The following LRRC56 variants were observed in gnomAD, a reference collection of about 807,000 sequenced individuals.
LRRC56 encodes the protein leucine rich repeat containing 56.
A neutral mutation model predicts 47.8 loss-of-function variants in LRRC56; 41 were observed. That is an observed-to-expected ratio of 0.86 (90% CI 0.67 to 1.11). The LOEUF (loss-of-function observed/expected upper bound fraction) is 1.11. LRRC56 is among the 50% of genes most tolerant of loss of function. The pLI, the probability that LRRC56 is intolerant of heterozygous loss-of-function variation, is 0.00. For missense variants in LRRC56, 759 were observed against 704.2 expected (o/e 1.08, Z -0.88); for synonymous variants, 387 against 311.2 (o/e 1.24, Z -2.56).
At chr11:523,812 C>T in the LRRC56 span, among the ~76,000 whole-genome samples, 1 of 152,094 alleles carries the variant, frequency 6.6e-6, no homozygotes, top group Non-Finnish European at 1.5e-5. Context: ...CCTGTAGTCC[C>T]AGCTACTCAG....
rs775163970 is a variant in LRRC56 at position 550,137 on chromosome 11, G to A, written c.489G>A (p.Glu163=). The part of the protein sequence containing the change: ...LSPLCLLEQL[E]VLDLEGNSVE... The stretch of plus-strand genomic sequence containing the variant: ...CACTGTGCCTGCTGGAACAATTGGA[G>A]GTGCTGGACCTGGAGGGCAACAGCG... Residue 163 remains glutamate, a synonymous_variant, in exon 8 of 14, where the codon GAG becomes GAA. Transcript: ENST00000270115. The A allele has an allele frequency of 6.2e-7, 1 of 1,613,546 alleles. No individual in the cohort carries two copies. Among genetic ancestry groups the A allele is most frequent in the East Asian group, 2.2e-5 (1 of 44,884 alleles).
At chr11:508,005 A>G in the LRRC56 span, among the ~76,000 whole-genome samples, 69 of 152,242 alleles carry the variant, frequency 4.5e-4, no homozygotes, top group Non-Finnish European at 4.4e-4. Context: ...GGGAAACGCA[A>G]AGCGACCCCA....
upstream of LRRC56, chr11:535,429 G>T: frequency 1.4e-5 from 2 of 146,890 alleles, no homozygotes; most frequent in South Asian, 1.8e-4. Context: ...TCACAGGCGC[G>T]ACTGCCCCCG....
At chr11:507,222 G>A in the LRRC56 span, 4 of 152,226 alleles carry the variant, frequency 2.6e-5, no homozygotes, top group Non-Finnish European at 4.4e-5. Context: ...CCACCCGCCA[G>A]TCAGCGGCGC....
At chr11:551,432 A>T in intron 9 of LRRC56, 130 bp downstream of exon 9, 1 of 795,248 alleles carries the variant, frequency 1.3e-6, no homozygotes, top group Non-Finnish European at 2.0e-6. Context: ...CCCGGTCCCC[A>T]GAGCTGTGCA....
the LRRC56 span, among the ~76,000 whole-genome samples, chr11:525,488 G>A: frequency 4.6e-5 from 7 of 150,912 alleles, no homozygotes; most frequent in Non-Finnish European, 5.9e-5. Flanking sequence ...GCAGTGAGCC[G>A]AGATCGCGCC....
At chr11:533,353 G>C (rs1310647370), upstream of LRRC56, 1 of 1,606,254 alleles carries the variant, frequency 6.2e-7, no homozygotes, top group Non-Finnish European at 8.5e-7. Flanking sequence ...AGCCAGAGCG[G>C]CTGCCCTGTG....
chr11:517,264 C>T, the LRRC56 span, among the ~76,000 whole-genome samples: 3 of 151,904 alleles, frequency 2.0e-5, no homozygotes, highest in South Asian at 2.1e-4. Flanking sequence ...TCTGCCCGGC[C>T]GCCACCCCGT....
intron 1 of LRRC56, among the ~76,000 whole-genome samples, 176 bp downstream of exon 1, chr11:537,781 C>T (rs1295560496): frequency 6.6e-6 from 1 of 152,204 alleles, no homozygotes; most frequent in African/African-American, 2.4e-5. Context: ...CTCCACCACC[C>T]CCTGGCCCTG....
the LRRC56 span, among the ~76,000 whole-genome samples, chr11:515,968 A>G: frequency 6.6e-6 from 1 of 152,142 alleles, no homozygotes; most frequent in Admixed American, 6.5e-5. Flanking sequence ...TCTCTGCTGA[A>G]TTTGCTTACA....
the LRRC56 span, chr11:507,421 G>T: frequency 3.4e-5 from 5 of 145,894 alleles, no homozygotes. Context: ...CGGTGAGGGA[G>T]GTCTCGCTTG....
intron 6 of LRRC56, among the ~76,000 whole-genome samples, chr11:548,640 A>G (rs1358966688): frequency 6.6e-6 from 1 of 151,738 alleles, no homozygotes. Context: ...TTGTATTTTT[A>G]GTAGAGATGG....
intron 6 of LRRC56, among the ~76,000 whole-genome samples, chr11:546,348 C>G (rs1205561632): frequency 6.6e-6 from 1 of 152,130 alleles, no homozygotes; most frequent in African/African-American, 2.4e-5. Flanking sequence ...GTAGGCAGAT[C>G]ACGAGGTCAG....
At chr11:533,498 T>G, upstream of LRRC56, 1 of 1,613,592 alleles carries the variant, frequency 6.2e-7, no homozygotes, top group Non-Finnish European at 8.5e-7. Context: ...TGCCGTAGCT[T>G]CGGGCGAGGT....
At position 551,583 on chromosome 11, in the gene LRRC56, T is replaced by C. The variant is rs1022596235; in HGVS notation, c.797-68T>C. 2.5e-5 allele frequency: 38 copies of C among 1,493,142 alleles called. No individual in the cohort carries two copies. The South Asian group carries it at 3.4e-4, about 13-fold the overall frequency. 92.5% of individuals were successfully genotyped at this position (1,493,142 alleles called of 1,614,324 possible). ...AGCATGGGGATTGGGGCCCCTGGTC[T>C]GTGGACAGAGTCTGGGGGGCGCTCT... On this transcript the variant is annotated intron_variant, in intron 9 of 13. Transcript: ENST00000270115.
At chr11:551,863 C>T (rs756264349) in intron 10 of LRRC56, 36 bp downstream of exon 10, 3 of 1,610,128 alleles carry the variant, frequency 1.9e-6, no homozygotes, top group Middle Eastern at 1.7e-4. Context: ...CCTGCAGCCC[C>T]TCGGCCCCGA....
chr11:544,835 C>T (rs1851992543), intron 6 of LRRC56, 55 bp downstream of exon 6: 2 of 1,494,808 alleles, frequency 1.3e-6, no homozygotes, highest in Admixed American at 1.7e-5. Flanking sequence ...TCCGATGGGA[C>T]AGGCCCTGCA....
upstream of LRRC56, among the ~76,000 whole-genome samples, chr11:535,088 G>T (rs779778397): frequency 1.3e-5 from 2 of 151,964 alleles, no homozygotes; most frequent in Non-Finnish European, 2.9e-5. Flanking sequence ...CCGTGGCCGC[G>T]GCCGCCTCCT....
the LRRC56 span, among the ~76,000 whole-genome samples, chr11:511,856 C>G: frequency 2.0e-5 from 3 of 152,184 alleles, no homozygotes; most frequent in Non-Finnish European, 2.9e-5. Flanking sequence ...CAGCCACCCC[C>G]CACACACACA....
Sources: gnomAD v4.1 joint callset for allele counts (sites outside exome capture counted in the v4.1 genomes callset) on GRCh38, gnomAD v4.1.1 for gene constraint, MANE v1.5 for transcripts, NCBI Gene and HGNC (gene_info 2026-07-23, HGNC 2026-07-21) for gene names.